SLC9A1: variants seen among roughly 807,000 people sequenced by gnomAD.
SLC9A1 encodes solute carrier family 9 member A1, also known as sodium/hydrogen exchanger 1.
Under a neutral mutation model 67.9 loss-of-function variants are expected in SLC9A1, and 22 were observed. That is an observed-to-expected ratio of 0.32 (90% CI 0.23 to 0.46). SLC9A1 has a LOEUF of 0.46. SLC9A1 is among the 20% of genes least tolerant of loss of function. The pLI is 1.00. For missense variants in SLC9A1, 686 were observed against 1,094.8 expected (o/e 0.63, Z 5.27); for synonymous variants, 421 against 471.8 (o/e 0.89, Z 1.40).
At chr1:27,123,920 G>A (rs2083323166) in intron 1 of SLC9A1, among the ~76,000 whole-genome samples, 1 of 152,102 alleles carries the variant, frequency 6.6e-6, no homozygotes, top group South Asian at 2.1e-4. Flanking sequence ...TCCGCCTCCC[G>A]GGTTCAAGCG....
chr1:27,122,656 C>T (rs1000978786), intron 1 of SLC9A1, among the ~76,000 whole-genome samples: 4 of 152,242 alleles, frequency 2.6e-5, no homozygotes, highest in African/African-American at 9.6e-5. Context: ...CCCTGGGTCT[C>T]AAGGACCCAT....
At chr1:27,134,830 G>A (rs767274992) in intron 1 of SLC9A1, among the ~76,000 whole-genome samples, 4 of 152,264 alleles carry the variant, frequency 2.6e-5, no homozygotes, top group South Asian at 2.1e-4. Context: ...TCTGCCTCCC[G>A]GGTTCAAATG....
intron 1 of SLC9A1, among the ~76,000 whole-genome samples, chr1:27,153,583 T>A (rs1271390916): frequency 6.6e-6 from 1 of 152,214 alleles, no homozygotes; most frequent in Admixed American, 6.5e-5. Flanking sequence ...TAAATTGCAC[T>A]GGTTGCTGTT....
chr1:27,131,997 T>C (rs2083389878), intron 1 of SLC9A1, among the ~76,000 whole-genome samples: 1 of 145,722 alleles, frequency 6.9e-6, no homozygotes, highest in Admixed American at 6.8e-5. Flanking sequence ...GCTACACTTA[T>C]TGAAGGCTTC....
intron 2 of SLC9A1, among the ~76,000 whole-genome samples, chr1:27,112,488 C>T (rs1190743139): frequency 3.3e-5 from 5 of 152,190 alleles, no homozygotes; most frequent in Admixed American, 2.6e-4. Context: ...ATCTGTTTCC[C>T]AAGGAAACCA....
Position 27,154,563 on chromosome 1 carries a change from C to A in SLC9A1, c.-229G>T. ...GGGGGCAAGGACCCAGGAACGACCA[C>A]GAAAGGAGACCAAAAGGTCTGGAAC... On this transcript the variant is annotated 5_prime_UTR_variant, in exon 1 of 12. Coordinates refer to ENST00000263980, the MANE Select transcript of SLC9A1 (RefSeq NM_003047.5). 4.4e-6 allele frequency: 2 copies of A among 455,306 alleles called. No homozygotes were observed. The highest frequency in any genetic ancestry group is 7.8e-6 in the Non-Finnish European group (2 of 255,918). The allele number at this position is 455,306 out of a possible 1,614,324, so 28.2% of individuals were successfully genotyped here.
chr1:27,154,130 G>C lies in SLC9A1; in HGVS notation c.205C>G (p.Pro69Ala), dbSNP rs771912100. The stretch of plus-strand genomic sequence containing the variant: ...GAATGATTAACAGGGCGGCTCTCTG[G>C]GGTGACCTCCGGTGGAGCGGTGGTG... Reference protein sequence around the residue: ...DVTTAPPEVTPESRPVNHSVT... With the variant: ...DVTTAPPEVTAESRPVNHSVT... Residue 69 changes from proline (P) to alanine (A), a missense_variant, in exon 1 of 12, where the codon CCA (proline) becomes GCA (alanine). Pro to Ala is a conservative substitution (Grantham distance 27). Around this residue, in one of 7 missense-constraint regions of SLC9A1, gnomAD observed 143 missense variants for 166.7 expected, o/e 0.86. Coordinates refer to ENST00000263980, the MANE Select transcript of SLC9A1 (RefSeq NM_003047.5). 2.5e-6 allele frequency: 4 copies of C among 1,614,112 alleles called. No individual in the cohort carries two copies. The highest frequency in any genetic ancestry group is 3.4e-6 in the Non-Finnish European group (4 of 1,179,986).
chr1:27,123,640 A>G (rs1337721213), intron 1 of SLC9A1, among the ~76,000 whole-genome samples: 1 of 150,486 alleles, frequency 6.6e-6, no homozygotes, highest in Non-Finnish European at 1.5e-5. Flanking sequence ...CCTCCCGAGT[A>G]GCTGGGATTA....
intron 1 of SLC9A1, among the ~76,000 whole-genome samples, chr1:27,150,115 C>T (rs544106744): frequency 6.6e-6 from 1 of 152,300 alleles, no homozygotes; most frequent in South Asian, 2.1e-4. Flanking sequence ...ATTTGTTCTT[C>T]TCTTCTTTTG....
intron 1 of SLC9A1, among the ~76,000 whole-genome samples, chr1:27,132,247 G>A (rs2083391081): frequency 6.6e-6 from 1 of 152,022 alleles, no homozygotes; most frequent in Non-Finnish European, 1.5e-5. Flanking sequence ...CTCCCAGAAT[G>A]TTCAAAGGAG....
intron 1 of SLC9A1, among the ~76,000 whole-genome samples, chr1:27,140,918 C>T (rs2083449490): frequency 6.6e-6 from 1 of 152,088 alleles, no homozygotes; most frequent in East Asian, 1.9e-4. Flanking sequence ...AGGCGGGTCA[C>T]CTCCACAGCC....
intron 1 of SLC9A1, among the ~76,000 whole-genome samples, chr1:27,132,631 G>C (rs1361842144): frequency 6.6e-6 from 1 of 152,208 alleles, no homozygotes; most frequent in African/African-American, 2.4e-5. Flanking sequence ...GACAAAGCAA[G>C]TACTGAAACA....
intron 1 of SLC9A1, among the ~76,000 whole-genome samples, chr1:27,122,670 T>G (rs1204603753): frequency 2.6e-5 from 4 of 152,358 alleles, no homozygotes; most frequent in East Asian, 3.9e-4. Context: ...GACCCATTTC[T>G]GTAACCCCTA....
Position 27,154,327 on chromosome 1 carries a change from A to C in SLC9A1, c.8T>G (p.Leu3Arg), listed in dbSNP as rs751922100. 3.8e-6 allele frequency: 6 copies of C among 1,586,124 alleles called. No homozygotes were observed. Among genetic ancestry groups the C allele is most frequent in the Middle Eastern group, 1.7e-4 (1 of 5,920 alleles). The change falls in exon 1 of 12, where the codon CTG (leucine) becomes CGG (arginine). Residue 3 changes from leucine to arginine, a missense_variant. Leu to Arg is a moderately radical substitution (Grantham distance 102, BLOSUM62 -2). This residue lies in a region of SLC9A1 where 143 missense variants were observed against 166.7 expected (regional missense o/e 0.86). Coordinates refer to ENST00000263980, the MANE Select transcript of SLC9A1 (RefSeq NM_003047.5). ...AGAGAGGCCACAGATGCCAGACCGC[A>C]GAACCATGGTGCTGCTTCCAGAGCC... Reference protein sequence around the residue: MVLRSGICGLSPH... With the variant: MVRRSGICGLSPH...
chr1:27,146,647 C>T (rs1570887322), intron 1 of SLC9A1, among the ~76,000 whole-genome samples: 3 of 152,208 alleles, frequency 2.0e-5, no homozygotes, highest in African/African-American at 7.2e-5. Flanking sequence ...GATGTGGTGA[C>T]CTGTACCTGT....
At chr1:27,141,553 C>G (rs906806665) in intron 1 of SLC9A1, among the ~76,000 whole-genome samples, 2 of 152,222 alleles carry the variant, frequency 1.3e-5, no homozygotes, top group Non-Finnish European at 2.9e-5. Flanking sequence ...TCTAAACTCC[C>G]GTAGAATTCC....
At chr1:27,139,451 C>T (rs960145194) in intron 1 of SLC9A1, among the ~76,000 whole-genome samples, 4 of 152,312 alleles carry the variant, frequency 2.6e-5, no homozygotes, top group Non-Finnish European at 4.4e-5. Flanking sequence ...TCGCACCCTT[C>T]GGGGCCGTCA....
chr1:27,107,095 C>T (rs1247606278), intron 4 of SLC9A1, among the ~76,000 whole-genome samples: 1 of 149,792 alleles, frequency 6.7e-6, no homozygotes, highest in African/African-American at 2.5e-5. Flanking sequence ...TACCCCCAGC[C>T]CCTCCACACA....
rs150159065 is a variant in SLC9A1 at position 27,121,230 on chromosome 1, T to C, written c.353-6944A>G. 9.6e-4 allele frequency among the ~76,000 whole-genome samples: 146 copies of C among 152,112 alleles called. 2 individuals are homozygous for C. The highest frequency in any genetic ancestry group is 3.1e-3 in the African/African-American group (130 of 41,474). ...GTCCTACTATGTTGGAGAGAAAGGG[T>C]CTCACCCTCTGGGAACATCAGGTCT... On this transcript the variant is annotated intron_variant, in intron 1 of 11. Transcript: ENST00000263980.
Sources: gnomAD v4.1 joint callset for allele counts (sites outside exome capture counted in the v4.1 genomes callset) on GRCh38, gnomAD v4.1.1 for gene constraint, gnomAD v4.1.1 regional missense constraint, MANE v1.5 for transcripts, NCBI Gene and HGNC (gene_info 2026-07-23, HGNC 2026-07-21) for gene names.